MLLT3: variants seen among roughly 807,000 people sequenced by gnomAD.
The protein encoded by MLLT3 is MLLT3 super elongation complex subunit, also known as protein AF-9.
A neutral mutation model predicts 53.2 loss-of-function variants in MLLT3; 4 were observed. That is an observed-to-expected ratio of 0.08 (90% CI 0.04 to 0.17). MLLT3 has a LOEUF of 0.17. Among genes scored for constraint, MLLT3 ranks in the 10% least tolerant of loss-of-function variants. The pLI is 1.00. For synonymous variants in MLLT3, 283 were observed against 230.6 expected (o/e 1.23, Z -2.06); for missense variants, 569 against 684.0 (o/e 0.83, Z 1.87).
At chr9:20,381,753 T>C (rs536101519) in intron 5 of MLLT3, among the ~76,000 whole-genome samples, 29 of 152,016 alleles carry the variant, frequency 1.9e-4, no homozygotes, top group African/African-American at 7.0e-4. Flanking sequence ...TCTTGCAGTG[T>C]TTACTTTTAT....
intron 4 of MLLT3, among the ~76,000 whole-genome samples, chr9:20,421,347 T>C (rs1586937228): frequency 6.6e-6 from 1 of 152,176 alleles, no homozygotes. Flanking sequence ...AAAAAAACTC[T>C]GGAGGCACAG....
At position 20,550,169 on chromosome 9, in the gene MLLT3, G is replaced by C. The variant is rs577928462; in HGVS notation, c.193+70485C>G. ...AATCCCACGTAACAAGGTTGATAATGAATTGCCAACTATTTCTAGTTTCTC... is the reference window on the plus strand; with the variant it reads ...AATCCCACGTAACAAGGTTGATAATCAATTGCCAACTATTTCTAGTTTCTC... On this transcript the variant is annotated intron_variant, in intron 2 of 10. Transcript: ENST00000380338. Among the ~76,000 whole-genome samples the C allele has an allele frequency of 3.1e-4, 47 of 152,262 alleles. No individual in the cohort carries two copies. The South Asian group carries it at 5.0e-3, about 16-fold the overall frequency.
intron 2 of MLLT3, among the ~76,000 whole-genome samples, chr9:20,566,402 A>G (rs1394590588): frequency 6.6e-6 from 1 of 152,112 alleles, no homozygotes. Context: ...TTGCATGAAC[A>G]ATACACGCTT....
intron 2 of MLLT3, among the ~76,000 whole-genome samples, chr9:20,529,523 G>T (rs188349958): frequency 6.6e-6 from 1 of 152,132 alleles, no homozygotes; most frequent in African/African-American, 2.4e-5. Context: ...GGAACCGCCA[G>T]TTAGTTCATT....
chr9:20,473,744 A>T (rs575137729), intron 2 of MLLT3, among the ~76,000 whole-genome samples: 143 of 152,234 alleles, frequency 9.4e-4, no homozygotes, highest in African/African-American at 3.1e-3. Context: ...AAGACAACAA[A>T]AAAACTAACT....
At chr9:20,527,501 A>G (rs1438127294) in intron 2 of MLLT3, among the ~76,000 whole-genome samples, 2 of 152,338 alleles carry the variant, frequency 1.3e-5, no homozygotes, top group East Asian at 3.9e-4. Context: ...ACCCTGTAAT[A>G]TAGGTATTTA....
At chr9:20,614,850 C>T (rs182600044) in intron 2 of MLLT3, among the ~76,000 whole-genome samples, 1 of 138,432 alleles carries the variant, frequency 7.2e-6, no homozygotes, top group Non-Finnish European at 1.6e-5. Context: ...AGAAAGGGGC[C>T]AAGGTTGGTC....
intron 4 of MLLT3, among the ~76,000 whole-genome samples, chr9:20,422,087 T>C (rs1310226050): frequency 4.6e-5 from 7 of 151,806 alleles, no homozygotes. Flanking sequence ...CATGTCTCAG[T>C]CAATGGGCAG....
intron 2 of MLLT3, among the ~76,000 whole-genome samples, chr9:20,585,161 G>C (rs191001364): frequency 2.2e-4 from 34 of 152,266 alleles, no homozygotes; most frequent in Non-Finnish European, 4.1e-4. Context: ...GGGGCCAACT[G>C]ATTCTGTTTC....
chr9:20,526,373 C>T (rs543829681), intron 2 of MLLT3, among the ~76,000 whole-genome samples: 1 of 152,280 alleles, frequency 6.6e-6, no homozygotes, highest in South Asian at 2.1e-4. Flanking sequence ...ACAAACTAGA[C>T]CTGCCAAAAG....
intron 2 of MLLT3, among the ~76,000 whole-genome samples, chr9:20,569,289 C>T (rs533893170): frequency 6.6e-6 from 1 of 152,200 alleles, no homozygotes; most frequent in African/African-American, 2.4e-5. Context: ...AACTGAGACT[C>T]GGAGAAACCA....
At chr9:20,346,635 A>G in intron 10 of MLLT3, 61 bp from the exon 11 acceptor site, 2 of 1,519,102 alleles carry the variant, frequency 1.3e-6, no homozygotes, top group Non-Finnish European at 1.8e-6. Flanking sequence ...AGGCAAAGAG[A>G]GAGTAATGGA....
intron 2 of MLLT3, among the ~76,000 whole-genome samples, chr9:20,598,237 A>C (rs558377775): frequency 3.3e-4 from 50 of 152,378 alleles, no homozygotes; most frequent in African/African-American, 1.1e-3. Context: ...CATCTGCTAT[A>C]TAAATGGAAA....
chr9:20,527,891 T>A (rs1220643308), intron 2 of MLLT3, among the ~76,000 whole-genome samples: 1 of 152,162 alleles, frequency 6.6e-6, no homozygotes, highest in Non-Finnish European at 1.5e-5. Context: ...GGTGAACACA[T>A]TAAATGAGCA....
chr9:20,498,095 C>T (rs1825123027), intron 2 of MLLT3, among the ~76,000 whole-genome samples: 2 of 151,768 alleles, frequency 1.3e-5, no homozygotes, highest in Non-Finnish European at 2.9e-5. Context: ...TGGTGGCATG[C>T]ACCTGTAGTC....
At chr9:20,355,516 A>G (rs1821150607) in intron 8 of MLLT3, among the ~76,000 whole-genome samples, 1 of 152,226 alleles carries the variant, frequency 6.6e-6, no homozygotes, top group Admixed American at 6.5e-5. Flanking sequence ...TACATACTGT[A>G]TAGAAGCTTT....
intron 2 of MLLT3, among the ~76,000 whole-genome samples, chr9:20,529,264 C>T (rs1818271077): frequency 6.6e-6 from 1 of 152,048 alleles, no homozygotes; most frequent in African/African-American, 2.4e-5. Flanking sequence ...AGGATGGAGA[C>T]CTTAATTATA....
At chr9:20,550,358 C>T (rs1338060907) in intron 2 of MLLT3, among the ~76,000 whole-genome samples, 1 of 152,158 alleles carries the variant, frequency 6.6e-6, no homozygotes, top group African/African-American at 2.4e-5. Context: ...CCCTATTGTT[C>T]TTATTGTATG....
At chr9:20,534,363 T>G (rs903654458) in intron 2 of MLLT3, among the ~76,000 whole-genome samples, 1 of 152,196 alleles carries the variant, frequency 6.6e-6, no homozygotes, top group African/African-American at 2.4e-5. Flanking sequence ...CCAATTTAAA[T>G]AGTGATCCTA....
Sources: allele counts gnomAD v4.1 joint callset (sites outside exome capture counted in the v4.1 genomes callset), GRCh38; gene constraint gnomAD v4.1.1; transcripts MANE v1.5; gene names NCBI Gene and HGNC (gene_info 2026-07-23, HGNC 2026-07-21).